The following APBA2 variants were observed in gnomAD, a reference collection of about 807,000 sequenced individuals.
The protein encoded by APBA2 is amyloid beta precursor protein binding family A member 2.
Under a neutral mutation model 75.0 loss-of-function variants are expected in APBA2, and 30 were observed. The observed-to-expected ratio is 0.40, with a 90% CI of 0.30 to 0.54. The LOEUF (loss-of-function observed/expected upper bound fraction) is 0.54, where lower values mean the gene tolerates loss of function less well. Ranked by LOEUF, APBA2 falls within the 20% of genes least tolerant of loss-of-function variation. The pLI is 0.49. For missense variants in APBA2, 801 were observed against 1,016.1 expected, an observed-to-expected ratio of 0.79 and a Z score of 2.88; for synonymous variants, 444 against 409.6, an observed-to-expected ratio of 1.08 and a Z score of -1.01.
intron 3 of APBA2, among the ~76,000 whole-genome samples, chr15:29,033,741 A>T (rs2040600370): frequency 1.3e-5 from 2 of 152,150 alleles, no homozygotes; most frequent in African/African-American, 4.8e-5. Flanking sequence ...CAGCTGGATC[A>T]CGAGGTCAGG....
intron 3 of APBA2, among the ~76,000 whole-genome samples, chr15:29,028,081 G>C (rs1290019311): frequency 6.6e-6 from 1 of 151,642 alleles, no homozygotes; most frequent in Non-Finnish European, 1.5e-5. Flanking sequence ...GTGGTTTGCT[G>C]CACCTATCAA....
At chr15:29,055,340 T>C (rs1175427221) in intron 4 of APBA2, among the ~76,000 whole-genome samples, 1 of 152,220 alleles carries the variant, frequency 6.6e-6, no homozygotes, top group Non-Finnish European at 1.5e-5. Flanking sequence ...CCGGGGGCCT[T>C]GGCCTGATGG....
chr15:29,076,211 C>T, intron 6 of APBA2, 120 bp downstream of exon 6: 2 of 1,096,682 alleles, frequency 1.8e-6, no homozygotes, highest in African/African-American at 3.1e-5. Flanking sequence ...TACCTACCAG[C>T]AAGGTGCTTG....
chr15:29,093,489 T>C (rs1254163558), intron 7 of APBA2, among the ~76,000 whole-genome samples: 1 of 152,232 alleles, frequency 6.6e-6, no homozygotes, highest in Non-Finnish European at 1.5e-5. Context: ...TCCAAAGCAT[T>C]CTAGTCATCA....
chr15:29,105,676 C>T (rs909002750), intron 11 of APBA2, 118 bp downstream of exon 11: 1 of 1,119,078 alleles, frequency 8.9e-7, no homozygotes, highest in Non-Finnish European at 1.3e-6. Context: ...TATCAGACTC[C>T]AGTGGGGCCC....
At chr15:29,106,569 T>G in intron 11 of APBA2, 38 bp from the exon 12 acceptor site, 1 of 1,611,140 alleles carries the variant, frequency 6.2e-7, no homozygotes, top group Non-Finnish European at 8.5e-7. Context: ...CCTCGGTCCT[T>G]GCCGCCAGCC....
At chr15:28,929,774 G>C (rs992256578) in intron 2 of APBA2, among the ~76,000 whole-genome samples, 2 of 152,152 alleles carry the variant, frequency 1.3e-5, no homozygotes, top group Non-Finnish European at 2.9e-5. Context: ...TCTTGTTGAT[G>C]GTCCCACTGC....
intron 2 of APBA2, among the ~76,000 whole-genome samples, chr15:28,943,393 G>A (rs1368517095): frequency 6.6e-6 from 1 of 152,200 alleles, no homozygotes; most frequent in Non-Finnish European, 1.5e-5. Context: ...TTGACGAGCA[G>A]GACCTGTCCA....
intron 1 of APBA2, among the ~76,000 whole-genome samples, chr15:28,899,214 G>T (rs1305599475): frequency 6.6e-6 from 1 of 152,182 alleles, no homozygotes; most frequent in Non-Finnish European, 1.5e-5. Context: ...GCCTCCCCAG[G>T]CAAGGGCCCA....
At chr15:28,975,571 A>G (rs567029077) in intron 2 of APBA2, among the ~76,000 whole-genome samples, 2 of 152,360 alleles carry the variant, frequency 1.3e-5, no homozygotes, top group Non-Finnish European at 2.9e-5. Flanking sequence ...AAATTTTAAA[A>G]TAACCTGTGG....
intron 4 of APBA2, among the ~76,000 whole-genome samples, chr15:29,056,967 C>G (rs1324793975): frequency 6.6e-6 from 1 of 152,002 alleles, no homozygotes; most frequent in Non-Finnish European, 1.5e-5. Context: ...AAATAACAAC[C>G]TGCTTTCCTA....
At chr15:29,018,241 C>A (rs921845698) in intron 3 of APBA2, among the ~76,000 whole-genome samples, 16 of 152,088 alleles carry the variant, frequency 1.1e-4, no homozygotes, top group African/African-American at 3.9e-4. Flanking sequence ...AATGTGCAAG[C>A]AGGGCTGAGC....
chr15:28,914,087 C>T (rs2033558703), intron 1 of APBA2, among the ~76,000 whole-genome samples: 1 of 152,210 alleles, frequency 6.6e-6, no homozygotes, highest in Admixed American at 6.5e-5. Flanking sequence ...TGTGTCTAGT[C>T]TGAAAATGAC....
Position 29,108,398 on chromosome 15 carries a change from C to T in APBA2, c.2037+9C>T, listed in dbSNP as rs2044547358. The stretch of plus-strand genomic sequence containing the variant: ...GCGTGCAGAATGGAATTGTGAGTTC[C>T]CCCTCCTGCTCTGGGCCACCACCAC... On this transcript the variant is annotated intron_variant, in intron 13 of 14. Transcript: ENST00000683413. 6.2e-7 allele frequency: 1 copy of T among 1,613,964 alleles called. No homozygotes were observed. Among genetic ancestry groups the T allele is most frequent in the Non-Finnish European group, 8.5e-7 (1 of 1,180,030 alleles).
intron 2 of APBA2, among the ~76,000 whole-genome samples, chr15:28,947,155 C>A (rs1399914676): frequency 1.3e-5 from 2 of 152,204 alleles, no homozygotes; most frequent in Non-Finnish European, 2.9e-5. Context: ...ACTTGCAGCT[C>A]TTGGGAGGTG....
intron 2 of APBA2, among the ~76,000 whole-genome samples, chr15:28,971,392 C>G (rs542625084): frequency 6.6e-6 from 1 of 152,308 alleles, no homozygotes; most frequent in Non-Finnish European, 1.5e-5. Flanking sequence ...TCTGTTTCCA[C>G]CCAAGACCAG....
chr15:29,115,061 C>T (rs185884657), intron 14 of APBA2, among the ~76,000 whole-genome samples: 2 of 151,950 alleles, frequency 1.3e-5, no homozygotes, highest in East Asian at 3.9e-4. Context: ...GCTGCAGGCT[C>T]TCTGGGAAGC....
chr15:29,106,879 A>G, intron 12 of APBA2, 60 bp downstream of exon 12: 1 of 1,507,290 alleles, frequency 6.6e-7, no homozygotes, highest in Non-Finnish European at 9.2e-7. Flanking sequence ...CTTCATCCCC[A>G]CTTTGCTGCA....
At chr15:29,077,529 G>A (rs188989663) in intron 6 of APBA2, among the ~76,000 whole-genome samples, 51 of 152,308 alleles carry the variant, frequency 3.3e-4, no homozygotes, top group South Asian at 2.5e-3. Flanking sequence ...GATCGTGAGG[G>A]ATCGGGAAGC....
Sources: allele counts gnomAD v4.1 joint callset (sites outside exome capture counted in the v4.1 genomes callset), GRCh38; gene constraint gnomAD v4.1.1; transcripts MANE v1.5; gene names NCBI Gene and HGNC (gene_info 2026-07-23, HGNC 2026-07-21).